The following CCNY variants were observed in gnomAD, a reference collection of about 807,000 sequenced individuals.
CCNY encodes the protein cyclin Y.
CCNY carries 19 observed loss-of-function variants against 42.8 expected under a neutral mutation model. The observed-to-expected ratio is 0.44, with a 90% CI of 0.31 to 0.65. The LOEUF is 0.65. Ranked by LOEUF, CCNY falls within the 30% of genes least tolerant of loss-of-function variation. CCNY has a pLI of 0.07. For missense variants in CCNY, 370 were observed against 437.3 expected, an observed-to-expected ratio of 0.85 and a Z score of 1.37; for synonymous variants, 165 against 162.7, an observed-to-expected ratio of 1.01 and a Z score of -0.11.
intron 1 of CCNY, among the ~76,000 whole-genome samples, chr10:35,341,873 G>A (rs1426411763): frequency 6.6e-6 from 1 of 152,124 alleles, no homozygotes; most frequent in Non-Finnish European, 1.5e-5. Flanking sequence ...TAATAATGTG[G>A]TATGTTTAGT....
At chr10:35,293,551 G>C (rs1276662055) in intron 3 of CCNY, among the ~76,000 whole-genome samples, 1 of 152,130 alleles carries the variant, frequency 6.6e-6, no homozygotes, top group Non-Finnish European at 1.5e-5. Context: ...GGTCAACTTG[G>C]GGGTACTGCC....
chr10:35,320,142 G>C (rs763456869), intron 3 of CCNY, among the ~76,000 whole-genome samples: 4 of 152,046 alleles, frequency 2.6e-5, no homozygotes, highest in Non-Finnish European at 5.9e-5. Flanking sequence ...GTCATTGTCT[G>C]AGCCCAGACA....
At chr10:35,534,515 C>T (rs906086539) in intron 7 of CCNY, among the ~76,000 whole-genome samples, 8 of 152,128 alleles carry the variant, frequency 5.3e-5, no homozygotes, top group Admixed American at 6.5e-5. Flanking sequence ...AAGAAGAGAT[C>T]GAGGTGGCAA....
chr10:35,571,876 T>C lies in CCNY; in HGVS notation c.*2706T>C, dbSNP rs1841692551. On this transcript the variant is annotated 3_prime_UTR_variant, in exon 10 of 10. Transcript: ENST00000374704. ...AAACGACACAATTTGTTACTTTAATTTTATATTTGATTTAAACAACAAATA... is the reference window on the plus strand; with the variant it reads ...AAACGACACAATTTGTTACTTTAATCTTATATTTGATTTAAACAACAAATA... 6.6e-6 allele frequency: 1 copy of C among 152,340 alleles called. No individual in the cohort carries two copies. The highest frequency in any genetic ancestry group is 1.5e-5 in the Non-Finnish European group (1 of 68,030). 9.4% of individuals were successfully genotyped at this position (152,340 alleles called of 1,614,324 possible).
At chr10:35,332,928 T>C (rs1217008787), upstream of CCNY, among the ~76,000 whole-genome samples, 2 of 152,178 alleles carry the variant, frequency 1.3e-5, no homozygotes, top group Non-Finnish European at 2.9e-5. Context: ...ATTTACCTGG[T>C]TACAGTGACC....
intron 2 of CCNY, among the ~76,000 whole-genome samples, chr10:35,495,604 C>CTGTGCCCAGATTTCGACG (rs1473635300): frequency 6.6e-6 from 1 of 152,214 alleles, no homozygotes; most frequent in African/African-American, 2.4e-5. Context: ...TCACGTTCCT[C>CTGTGCCCAGATTTCGACG]TGTGCCCAGA....
At chr10:35,391,496 A>G (rs1837412447) in intron 1 of CCNY, among the ~76,000 whole-genome samples, 1 of 152,224 alleles carries the variant, frequency 6.6e-6, no homozygotes, top group South Asian at 2.1e-4. Context: ...ACTGGCCGGA[A>G]GGTTGTTTAC....
chr10:35,512,968 T>A (rs907267158), intron 3 of CCNY, among the ~76,000 whole-genome samples: 1 of 152,174 alleles, frequency 6.6e-6, no homozygotes, highest in African/African-American at 2.4e-5. Flanking sequence ...CATGTGTGTA[T>A]CCATGTATCT....
chr10:35,348,858 G>T (rs1325690529), intron 1 of CCNY, among the ~76,000 whole-genome samples: 2 of 152,032 alleles, frequency 1.3e-5, no homozygotes, highest in African/African-American at 4.8e-5. Flanking sequence ...AATATTCTGA[G>T]AGAAACAGTT....
At chr10:35,479,951 G>C (rs1402614022) in intron 1 of CCNY, among the ~76,000 whole-genome samples, 1 of 151,574 alleles carries the variant, frequency 6.6e-6, no homozygotes, top group East Asian at 1.9e-4. Flanking sequence ...GGGTGATAAA[G>C]CAGGTTCATT....
chr10:35,338,630 T>C (rs1299845004), intron 1 of CCNY, among the ~76,000 whole-genome samples: 1 of 152,126 alleles, frequency 6.6e-6, no homozygotes, highest in Non-Finnish European at 1.5e-5. Context: ...GTATTGTACT[T>C]TAAAGGGAGG....
Position 35,569,243 on chromosome 10 carries a change from G to T in CCNY, c.*73G>T. On this transcript the variant is annotated 3_prime_UTR_variant, in exon 10 of 10. Coordinates refer to ENST00000374704, the MANE Select transcript of CCNY (RefSeq NM_145012.6). ...GTTTGAGAAAAGACAGACTTGGGGT[G>T]GGTTTGTTTTTGTTTTTTCTTTCCT... 1 of 978,970 alleles carries T rather than the reference G, an allele frequency of 1.0e-6. No individual in the cohort carries two copies. The highest frequency in any genetic ancestry group is 1.6e-6 in the Non-Finnish European group (1 of 620,854). The allele number at this position is 978,970 out of a possible 1,614,324, so 60.6% of individuals were successfully genotyped here. A position where few individuals can be genotyped will look rare whatever the true frequency, so the allele number is the denominator to read the frequency against.
At chr10:35,443,396 A>G (rs187955696) in intron 1 of CCNY, among the ~76,000 whole-genome samples, 47 of 152,316 alleles carry the variant, frequency 3.1e-4, no homozygotes, top group Admixed American at 2.7e-3. Flanking sequence ...CTTTATATCC[A>G]TACTCTGTAT....
intron 3 of CCNY, among the ~76,000 whole-genome samples, chr10:35,513,324 C>T (rs1002109530): frequency 2.0e-5 from 3 of 152,170 alleles, no homozygotes; most frequent in Non-Finnish European, 2.9e-5. Context: ...GTGGTTAACT[C>T]TGTAGTATCT....
chr10:35,252,969 A>T (rs1184495653), intron 3 of CCNY, among the ~76,000 whole-genome samples: 1 of 152,192 alleles, frequency 6.6e-6, no homozygotes, highest in Non-Finnish European at 1.5e-5. Flanking sequence ...AAAATATTCC[A>T]TACAATTTTA....
At chr10:35,550,255 C>T (rs1317547699) in intron 7 of CCNY, among the ~76,000 whole-genome samples, 1 of 150,752 alleles carries the variant, frequency 6.6e-6, no homozygotes, top group African/African-American at 2.5e-5. Context: ...TGTTCATGAC[C>T]CTGTGCTGCT....
chr10:35,519,788 T>C (rs1278836436), intron 4 of CCNY, among the ~76,000 whole-genome samples: 1 of 136,400 alleles, frequency 7.3e-6, no homozygotes, highest in African/African-American at 2.8e-5. Flanking sequence ...TTTTTTTTTT[T>C]TTTTTTTTTT....
chr10:35,289,278 A>G (rs907751201), intron 3 of CCNY: 5 of 152,186 alleles, frequency 3.3e-5, no homozygotes, highest in Admixed American at 1.3e-4. Flanking sequence ...TTGATTAACA[A>G]TGTACATTTT....
At chr10:35,535,485 T>C (rs1034861461) in intron 7 of CCNY, among the ~76,000 whole-genome samples, 1 of 152,122 alleles carries the variant, frequency 6.6e-6, no homozygotes. Context: ...GGCTTTTGGC[T>C]CTCTCTGTCT....
Sources: gnomAD v4.1 joint callset for allele counts (sites outside exome capture counted in the v4.1 genomes callset) on GRCh38, gnomAD v4.1.1 for gene constraint, MANE v1.5 for transcripts, NCBI Gene and HGNC (gene_info 2026-07-23, HGNC 2026-07-21) for gene names.